AEBP1: variants seen among roughly 807,000 people sequenced by gnomAD.
AEBP1 encodes adipocyte enhancer-binding protein 1.
AEBP1 carries 69 observed loss-of-function variants against 116.5 expected under a neutral mutation model. That is an observed-to-expected ratio of 0.59 (90% CI 0.49 to 0.72). The LOEUF is 0.72. AEBP1 is among the 30% of genes least tolerant of loss of function. AEBP1 has a pLI of 0.00. For synonymous variants in AEBP1, 627 were observed against 627.3 expected, an observed-to-expected ratio of 1.00 and a Z score of 0.01; for missense variants, 1,444 against 1,557.5, an observed-to-expected ratio of 0.93 and a Z score of 1.23.
chr7:44,112,162 G>A lies in AEBP1; in HGVS notation c.2058G>A (p.Trp686Ter). Residue 686 changes from tryptophan (W) to a stop codon, truncating the protein, a stop_gained, in exon 17 of 21, where the codon TGG (tryptophan) becomes TGA (stop). Coordinates refer to ENST00000223357, the MANE Select transcript of AEBP1 (RefSeq NM_001129.5). LOFTEE classifies it high-confidence loss of function. The surrounding 1 kb of genome is among the most constrained non-coding windows in gnomAD (Gnocchi z 6.6). ...AAQMGSEFGN[W>*]ALGLWTEEGF... Reference sequence around the variant, plus strand: ...CACAGGGCTCAGAGTTTGGGAACTGGGCGCTGGGACTGTGGACTGAGGAGG... The same window carrying A: ...CACAGGGCTCAGAGTTTGGGAACTGAGCGCTGGGACTGTGGACTGAGGAGG... 3 of 1,600,498 alleles carry A rather than the reference G, an allele frequency of 1.9e-6. No homozygotes were observed. The highest frequency in any genetic ancestry group is 2.6e-6 in the Non-Finnish European group (3 of 1,169,882).
Position 44,104,897 on chromosome 7 carries a change from C to A in AEBP1, c.232C>A (p.Arg78=). The part of the protein sequence containing the change: ...KAQAGGKPGK[R]PGTAAEVPPE... ...CCAGGCGGGGGGCAAGCCAGGGAAG[C>A]GGCCAGGGACGGCCGCAGAAGGTAA... is the stretch of plus-strand genomic sequence containing the variant. Residue 78 remains arginine, a synonymous_variant, in exon 1 of 21, where the codon CGG becomes AGG. Transcript: ENST00000223357. The A allele has an allele frequency of 1.3e-6, 2 of 1,545,980 alleles. No homozygotes were observed. Among genetic ancestry groups the A allele is most frequent in the Non-Finnish European group, 1.7e-6 (2 of 1,144,558 alleles).
Position 44,104,810 on chromosome 7 carries a change from C to A in AEBP1, c.145C>A (p.Pro49Thr). The A allele has an allele frequency of 1.2e-6, 2 of 1,607,402 alleles. No homozygotes were observed. Among genetic ancestry groups the A allele is most frequent in the Non-Finnish European group, 1.7e-6 (2 of 1,177,738 alleles). The change falls in exon 1 of 21, where the codon CCC becomes ACC. Residue 49 changes from proline (P) to threonine (T), a missense_variant. Pro to Thr is a conservative substitution (Grantham distance 38). Coordinates refer to ENST00000223357, the MANE Select transcript of AEBP1 (RefSeq NM_001129.5). ...EGFLSELEPE[P>T]REDDVEAPPP... Reference sequence around the variant, plus strand: ...CTTCCTGTCAGAGCTAGAACCTGAGCCCCGGGAGGACGACGTGGAGGCCCC... The same window carrying A: ...CTTCCTGTCAGAGCTAGAACCTGAGACCCGGGAGGACGACGTGGAGGCCCC...
chr7:44,106,703 G>A lies in AEBP1; in HGVS notation c.411G>A (p.Lys137=), dbSNP rs769878223. The stretch of plus-strand genomic sequence containing the variant: ...AGAAGCCCAAGGAGAAGCCACCTAA[G>A]GCCACCAAGAAGCCCAAGGAGAAGC... ...ATKKPKEKPP[K]ATKKPKEKPP... Residue 137 remains lysine, a synonymous_variant, in exon 2 of 21, where the codon AAG becomes AAA. Coordinates refer to ENST00000223357, the MANE Select transcript of AEBP1 (RefSeq NM_001129.5). 75 of 1,612,450 alleles carry A rather than the reference G, an allele frequency of 4.7e-5. 2 individuals are homozygous for A. The South Asian group carries it at 7.8e-4, about 17-fold the overall frequency.
chr7:44,105,922 A>G (rs773491758), intron 1 of AEBP1, among the ~76,000 whole-genome samples: 6 of 152,122 alleles, frequency 3.9e-5, no homozygotes, highest in Non-Finnish European at 8.8e-5. Context: ...GTGTGCAGCC[A>G]CAAGCTCCCT....
chr7:44,113,518 T>TG lies in AEBP1; in HGVS notation c.2810-71dup, dbSNP rs1218851107. On this transcript the variant is annotated intron_variant, in intron 20 of 20. Coordinates refer to ENST00000223357, the MANE Select transcript of AEBP1 (RefSeq NM_001129.5). The surrounding 1 kb of genome is among the most constrained non-coding windows in gnomAD (Gnocchi z 5.3). ...GGAACTCAGAGGGGGAGGGCGGGGCTGGGGGCAGGACTGAGTGGGAGGGTG... is the reference window on the plus strand; with the variant it reads ...GGAACTCAGAGGGGGAGGGCGGGGCTGGGGGGCAGGACTGAGTGGGAGGGTG... 2.0e-5 allele frequency: 16 copies of TG among 782,642 alleles called. No homozygotes were observed. The African/African-American group carries it at 8.1e-4, about 40-fold the overall frequency. The allele number at this position is 782,642 out of a possible 1,614,324, so 48.5% of individuals were successfully genotyped here. A position where few individuals can be genotyped will look rare whatever the true frequency, so the allele number is the denominator to read the frequency against.
chr7:44,110,379 G>C (rs1344791727), intron 11 of AEBP1, 33 bp downstream of exon 11: 1 of 1,613,136 alleles, frequency 6.2e-7, no homozygotes, highest in Admixed American at 1.7e-5. Flanking sequence ...AGTTGGCAGA[G>C]GGGAGTGGCT....
rs774368904 is a variant in AEBP1, at chr7:44,113,350, A to G, written c.2808A>G (p.Thr936=). 6.2e-7 allele frequency: 1 copy of G among 1,610,808 alleles called. No homozygotes were observed. Among genetic ancestry groups the G allele is most frequent in the Non-Finnish European group, 8.5e-7 (1 of 1,178,490 alleles). The part of the protein sequence containing the change: ...SVSGINHGVK[T]ASGGDYWRIL... ...GTGGCATTAATCACGGCGTGAAGAC[A>G]GGTACCTAGTGTGCACACCTTTACC... Residue 936 remains threonine, a splice_region_variant and synonymous_variant, in exon 20 of 21, where the codon ACA becomes ACG. Coordinates refer to ENST00000223357, the MANE Select transcript of AEBP1 (RefSeq NM_001129.5). This position sits in a 1 kb window ranked among gnomAD's most constrained non-coding sequence, Gnocchi z 5.3.
intron 9 of AEBP1, 111 bp downstream of exon 9, chr7:44,109,452 A>G (rs1456472116): frequency 7.9e-7 from 1 of 1,263,396 alleles, no homozygotes; most frequent in Non-Finnish European, 1.1e-6. Context: ...ACCCTTTCCT[A>G]CTCAGATTCT....
rs1287393755 is a variant in AEBP1, at chr7:44,112,043, C to T, written c.2030C>T (p.Ala677Val). 8 of 1,612,622 alleles carry T rather than the reference C, an allele frequency of 5.0e-6. No individual in the cohort carries two copies. The highest frequency in any genetic ancestry group is 1.1e-5 in the South Asian group (1 of 91,060). Residue 677 changes from alanine to valine, a missense_variant, in exon 16 of 21, where the codon GCG becomes GTG. Physicochemically the swap from Ala to Val is moderately conservative, Grantham distance 64. Transcript: ENST00000223357. The surrounding 1 kb of genome is among the most constrained non-coding windows in gnomAD (Gnocchi z 6.6). ...SLNPDGYEVAAQMGSEFGNWA... is the reference protein window; with the variant it reads ...SLNPDGYEVAVQMGSEFGNWA... ...AACCCTGATGGCTACGAGGTGGCAG[C>T]GCAGATGGTGGGTTGAAGGGTGAGG...
Position 44,113,172 on chromosome 7 carries a change from A to G in AEBP1, c.2709+42A>G. On this transcript the variant is annotated intron_variant, in intron 19 of 20. Transcript: ENST00000223357. The surrounding 1 kb of genome is among the most constrained non-coding windows in gnomAD (Gnocchi z 5.3). Reference sequence around the variant, plus strand: ...AATGCCTGGGGAGAGGAGGCTGCACAGGCTCCTGGATGGGCGGGAGGGAGC... The same window carrying G: ...AATGCCTGGGGAGAGGAGGCTGCACGGGCTCCTGGATGGGCGGGAGGGAGC... 6.2e-7 allele frequency: 1 copy of G among 1,613,310 alleles called. No individual in the cohort carries two copies. The highest frequency in any genetic ancestry group is 2.2e-5 in the East Asian group (1 of 44,842).
chr7:44,109,073 G>T lies in AEBP1; in HGVS notation c.1019-34G>T, dbSNP rs550221840. 2.1e-4 allele frequency: 339 copies of T among 1,613,018 alleles called. 1 individual carries two copies. The South Asian group carries it at 3.4e-3, about 16-fold the overall frequency. ...ACATGGTCCTCAAAGCCCAGAGCCA[G>T]GCTGACTGGCCCCTCCTACCTTGCA... On this transcript the variant is annotated intron_variant, in intron 7 of 20. Coordinates refer to ENST00000223357, the MANE Select transcript of AEBP1 (RefSeq NM_001129.5).
At position 44,107,657 on chromosome 7, in the gene AEBP1, A is replaced by G. The variant is rs1240412177; in HGVS notation, c.696A>G (p.Thr232=). ...PEPEEETEQP[T]LDYNDQIERE... ...CGGAGGAGGAGACCGAGCAACCCACACTGGACTACAATGACCAGATCGAGA... is the reference window on the plus strand; with the variant it reads ...CGGAGGAGGAGACCGAGCAACCCACGCTGGACTACAATGACCAGATCGAGA... The change falls in exon 4 of 21, where the codon ACA becomes ACG. Residue 232 remains threonine (T), a synonymous_variant. Transcript: ENST00000223357. This position sits in a 1 kb window ranked among gnomAD's most constrained non-coding sequence, Gnocchi z 4.3. 1 of 1,613,582 alleles carries G rather than the reference A, an allele frequency of 6.2e-7. No individual in the cohort carries two copies.
At position 44,110,036 on chromosome 7, in the gene AEBP1, A is replaced by G; in HGVS notation, c.1172A>G (p.Glu391Gly). The G allele has an allele frequency of 1.2e-6, 2 of 1,612,880 alleles. No homozygotes were observed. Among genetic ancestry groups the G allele is most frequent in the Non-Finnish European group, 1.7e-6 (2 of 1,179,956 alleles). ...TCAGAGTGTCCCCCCATTGGGATGG[A>G]GTCACACCGTATTGAGGACAACCAG... ...EKVKCPPIGM[E>G]SHRIEDNQIR... Residue 391 changes from glutamate to glycine, a missense_variant, in exon 10 of 21, where the codon GAG (glutamate) becomes GGG (glycine). Physicochemically the swap from Glu to Gly is moderately conservative, Grantham distance 98 (BLOSUM62 -2). Coordinates refer to ENST00000223357, the MANE Select transcript of AEBP1 (RefSeq NM_001129.5).
Position 44,109,203 on chromosome 7 carries a change from G to A in AEBP1, c.1096+19G>A. 6.2e-7 allele frequency: 1 copy of A among 1,613,370 alleles called. No homozygotes were observed. Among genetic ancestry groups the A allele is most frequent in the Non-Finnish European group, 8.5e-7 (1 of 1,179,850 alleles). On this transcript the variant is annotated intron_variant, in intron 8 of 20. Coordinates refer to ENST00000223357, the MANE Select transcript of AEBP1 (RefSeq NM_001129.5). ...CACAAAGGTGTGTGGCTGGGGCTTGGGGCCTGGGTCCCTGTGGGGCAGCAT... is the reference window on the plus strand; with the variant it reads ...CACAAAGGTGTGTGGCTGGGGCTTGAGGCCTGGGTCCCTGTGGGGCAGCAT...
chr7:44,105,245 A>AC (rs1227603747), intron 1 of AEBP1, among the ~76,000 whole-genome samples: 1 of 151,806 alleles, frequency 6.6e-6, no homozygotes, highest in Admixed American at 6.6e-5. Context: ...GTGCTGTGTC[A>AC]CCCCCTGCCA....
At chr7:44,106,324 G>A (rs1023584370) in intron 1 of AEBP1, 2 of 699,526 alleles carry the variant, frequency 2.9e-6, no homozygotes, top group Non-Finnish European at 5.2e-6. Context: ...TCAGTCTTTA[G>A]AGAGGTTGAG....
In AEBP1 at chr7:44,112,156, G is replaced by A. The variant is rs1357287834; in HGVS notation, c.2052G>A (p.Gly684=). ...GCTCCCCACAGGGCTCAGAGTTTGG[G>A]AACTGGGCGCTGGGACTGTGGACTG... ...EVAAQMGSEF[G]NWALGLWTEE... The change falls in exon 17 of 21, where the codon GGG becomes GGA. Residue 684 remains glycine, a synonymous_variant. Coordinates refer to ENST00000223357, the MANE Select transcript of AEBP1 (RefSeq NM_001129.5). The surrounding 1 kb of genome is among the most constrained non-coding windows in gnomAD (Gnocchi z 6.6). 3.8e-6 allele frequency: 6 copies of A among 1,599,260 alleles called. No homozygotes were observed. The highest frequency in any genetic ancestry group is 4.3e-6 in the Non-Finnish European group (5 of 1,169,176).
At position 44,104,747 on chromosome 7, in the gene AEBP1, G is replaced by A. The variant is rs375195748; in HGVS notation, c.82G>A (p.Val28Met). 7.4e-6 allele frequency: 12 copies of A among 1,611,592 alleles called. No individual in the cohort carries two copies. Among genetic ancestry groups the A allele is most frequent in the Non-Finnish European group, 3.4e-6 (4 of 1,179,598 alleles). The change falls in exon 1 of 21, where the codon GTG becomes ATG. Residue 28 changes from valine to methionine, a missense_variant. Physicochemically the swap from Val to Met is conservative, Grantham distance 21. Coordinates refer to ENST00000223357, the MANE Select transcript of AEBP1 (RefSeq NM_001129.5). ...GTGCCCTGGAGGGCGCCCGCAGACG[G>A]TGCTGACCGACGACGAGATCGAGGA... ...ALCPGGRPQT[V>M]LTDDEIEEFL...
At chr7:44,106,229 G>T (rs1253841123) in intron 1 of AEBP1, 1 of 539,688 alleles carries the variant, frequency 1.9e-6, no homozygotes, top group Non-Finnish European at 3.5e-6. Flanking sequence ...CAGAATAGTG[G>T]AGGAGTGGAT....
Sources: gnomAD v4.1 joint callset for allele counts (sites outside exome capture counted in the v4.1 genomes callset) on GRCh38, gnomAD v4.1.1 for gene constraint, Gnocchi (gnomAD v3.1) non-coding constraint, MANE v1.5 for transcripts, NCBI Gene and HGNC (gene_info 2026-07-23, HGNC 2026-07-21) for gene names.